The following FAM227B variants were observed in gnomAD, a reference collection of about 807,000 sequenced individuals.
FAM227B encodes protein FAM227B.
Under a neutral mutation model 73.8 loss-of-function variants are expected in FAM227B, and 88 were observed. The observed-to-expected ratio is 1.19, with a 90% CI of 1.00 to 1.42. The LOEUF (loss-of-function observed/expected upper bound fraction) is 1.42, where lower values mean the gene tolerates loss of function less well. Among genes scored for constraint, FAM227B ranks in the 40% most tolerant of loss-of-function variants. FAM227B has a pLI of 0.00. For synonymous variants in FAM227B, 210 were observed against 190.5 expected (o/e 1.10, Z -0.84); for missense variants, 632 against 590.9 (o/e 1.07, Z -0.72).
intron 11 of FAM227B, among the ~76,000 whole-genome samples, chr15:49,467,674 T>C (rs1392749648): frequency 2.0e-4 from 30 of 152,260 alleles, no homozygotes. Flanking sequence ...AGTGTTGTAT[T>C]TAGCAGATGT....
At chr15:49,346,465 A>T (rs982915628) in intron 13 of FAM227B, among the ~76,000 whole-genome samples, 2 of 152,120 alleles carry the variant, frequency 1.3e-5, no homozygotes, top group African/African-American at 4.8e-5. Context: ...CCTAAGCCTT[A>T]TTTTAGGGGA....
intron 11 of FAM227B, among the ~76,000 whole-genome samples, chr15:49,476,164 G>C (rs4321137): frequency 0.34 from 50,404 of 147,700 alleles, 9,408 homozygotes; most frequent in African/African-American, 0.49. Context: ...CAAATCCTCC[G>C]TTGACCACTT....
intron 11 of FAM227B, among the ~76,000 whole-genome samples, chr15:49,440,206 T>C (rs957325525): frequency 6.6e-6 from 1 of 151,836 alleles, no homozygotes; most frequent in African/African-American, 2.4e-5. Flanking sequence ...GTAAACAATA[T>C]GCATTATTAC....
Position 49,408,184 on chromosome 15 carries a change from T to C in FAM227B, c.1013-36785A>G, listed in dbSNP as rs558865204. ...GAAAACGTTTTTATTTATACTTGCA[T>C]CTGAATAATATTTTAACTGGTATAT... On this transcript the variant is annotated intron_variant, in intron 11 of 15. Coordinates refer to ENST00000299338, the MANE Select transcript of FAM227B (RefSeq NM_152647.3). Among the ~76,000 whole-genome samples the C allele has an allele frequency of 4.6e-5, 7 of 152,346 alleles. No homozygotes were observed. The East Asian group carries it at 1.3e-3, about 29-fold the overall frequency.
rs2037642893 is a variant in FAM227B, at chr15:49,327,158, G to A, written c.*1410C>T. ...GGTTTGAAACTGTGCCTGGTTTACAGTAACTAAAATTAACTCTAGCTGTGT... is the reference window on the plus strand; with the variant it reads ...GGTTTGAAACTGTGCCTGGTTTACAATAACTAAAATTAACTCTAGCTGTGT... On this transcript the variant is annotated 3_prime_UTR_variant, in exon 16 of 16. Transcript: ENST00000299338. 1 of 152,184 alleles carries A rather than the reference G, an allele frequency of 6.6e-6. No homozygotes were observed. The highest frequency in any genetic ancestry group is 1.5e-5 in the Non-Finnish European group (1 of 68,034). 9.4% of individuals were successfully genotyped at this position (152,184 alleles called of 1,614,324 possible).
chr15:49,471,935 A>T (rs9972429), intron 11 of FAM227B, among the ~76,000 whole-genome samples: 1 of 151,706 alleles, frequency 6.6e-6, no homozygotes, highest in Non-Finnish European at 1.5e-5. Context: ...GTGACAGTGA[A>T]GTTCTGGATA....
intron 11 of FAM227B, among the ~76,000 whole-genome samples, chr15:49,437,434 C>T (rs990888924): frequency 6.6e-6 from 1 of 151,526 alleles, no homozygotes; most frequent in African/African-American, 2.4e-5. Context: ...TAGGACTGCG[C>T]TCCACAAAAA....
chr15:49,478,548 T>C (rs569444443), intron 11 of FAM227B, among the ~76,000 whole-genome samples: 1 of 152,192 alleles, frequency 6.6e-6, no homozygotes, highest in Non-Finnish European at 1.5e-5. Flanking sequence ...TAAATTTAAA[T>C]GTTTTTTTCT....
intron 11 of FAM227B, among the ~76,000 whole-genome samples, chr15:49,417,951 T>C (rs1208563877): frequency 6.6e-6 from 1 of 152,126 alleles, no homozygotes; most frequent in Non-Finnish European, 1.5e-5. Context: ...CCAACATCTA[T>C]AAGGAGCTTA....
intron 5 of FAM227B, 115 bp from the exon 6 acceptor site, chr15:49,577,779 TC>T (rs1567619585): frequency 3.0e-5 from 17 of 563,236 alleles, no homozygotes; most frequent in Non-Finnish European, 1.8e-5. Context: ...TGTATATATA[TC>T]CTACAGAGGC....
Position 49,440,824 on chromosome 15 carries a change from G to C in FAM227B, c.1012+67387C>G, listed in dbSNP as rs140828868. On this transcript the variant is annotated intron_variant, in intron 11 of 15. Coordinates refer to ENST00000299338, the MANE Select transcript of FAM227B (RefSeq NM_152647.3). ...CAATGCTCTTTCCACCCATTGAGTT[G>C]TTTTGTTATATAACATTCTGAAGTT... Among the ~76,000 whole-genome samples the C allele has an allele frequency of 2.0e-3, 297 of 151,708 alleles. 2 individuals are homozygous for C. The highest frequency in any genetic ancestry group is 6.9e-3 in the African/African-American group (285 of 41,470).
At chr15:49,571,223 G>C (rs1203523648) in intron 8 of FAM227B, among the ~76,000 whole-genome samples, 2 of 151,574 alleles carry the variant, frequency 1.3e-5, no homozygotes, top group East Asian at 3.9e-4. Flanking sequence ...CTATTAAATT[G>C]TTTAAATTGC....
At chr15:49,414,361 C>T (rs1420054344) in intron 11 of FAM227B, among the ~76,000 whole-genome samples, 1 of 144,692 alleles carries the variant, frequency 6.9e-6, no homozygotes, top group African/African-American at 2.6e-5. Context: ...GATTTCTTCT[C>T]TGTTAGTCCA....
At chr15:49,553,313 T>C (rs2073259065) in intron 9 of FAM227B, among the ~76,000 whole-genome samples, 2 of 152,186 alleles carry the variant, frequency 1.3e-5, no homozygotes, top group African/African-American at 4.8e-5. Context: ...CACCTAAAAA[T>C]GTAGGTGGAG....
intron 11 of FAM227B, among the ~76,000 whole-genome samples, chr15:49,375,973 C>A (rs1053170783): frequency 6.6e-6 from 1 of 151,988 alleles, no homozygotes. Flanking sequence ...ATTGTTTGAA[C>A]TTATTATTGA....
At chr15:49,535,613 A>T (rs1397863696) in intron 10 of FAM227B, among the ~76,000 whole-genome samples, 2 of 151,894 alleles carry the variant, frequency 1.3e-5, no homozygotes, top group Non-Finnish European at 2.9e-5. Context: ...GAGATATTAC[A>T]AGAAAACTAC....
intron 11 of FAM227B, among the ~76,000 whole-genome samples, chr15:49,405,552 A>G (rs2048455996): frequency 6.6e-6 from 1 of 152,184 alleles, no homozygotes; most frequent in African/African-American, 2.4e-5. Flanking sequence ...TCTGTTATTA[A>G]CACTTGTGAT....
intron 11 of FAM227B, among the ~76,000 whole-genome samples, chr15:49,447,339 T>C (rs1329951583): frequency 2.0e-5 from 3 of 151,568 alleles, no homozygotes; most frequent in Non-Finnish European, 3.0e-5. Flanking sequence ...TAGAGGTAAA[T>C]ACATTTTGAG....
rs141261504 is a variant in FAM227B at position 49,546,862 on chromosome 15, G to A, written c.748-5056C>T. On this transcript the variant is annotated intron_variant, in intron 9 of 15. Transcript: ENST00000299338. ...AACCAAGTTAGAAAACACTCTGCAG[G>A]ATATTATCCAGGAGAACTCCCCCAT... 9.3e-4 allele frequency among the ~76,000 whole-genome samples: 141 copies of A among 152,284 alleles called. No individual in the cohort carries two copies. The East Asian group carries it at 0.026, about 28-fold the overall frequency.
Sources: gnomAD v4.1 joint callset for allele counts (sites outside exome capture counted in the v4.1 genomes callset) on GRCh38, gnomAD v4.1.1 for gene constraint, MANE v1.5 for transcripts, NCBI Gene and HGNC (gene_info 2026-07-23, HGNC 2026-07-21) for gene names.